The following PINK1 variants were observed in gnomAD, a reference collection of about 807,000 sequenced individuals.
PINK1 encodes the protein PTEN induced kinase 1, also known as serine/threonine-protein kinase PINK1, mitochondrial.
Under a neutral mutation model 56.0 loss-of-function variants are expected in PINK1, and 58 were observed. The ratio of observed to expected loss-of-function variants is 1.04; its 90% CI spans 0.84 to 1.29. The LOEUF is 1.29. Among genes scored for constraint, PINK1 ranks in the 50% most tolerant of loss-of-function variants. The pLI is 0.00. For synonymous variants in PINK1, 354 were observed against 339.3 expected (o/e 1.04, Z -0.48); for missense variants, 745 against 777.9 (o/e 0.96, Z 0.50).
Position 20,648,641 on chromosome 1 carries a change from C to T in PINK1, c.1251+9C>T, listed in dbSNP as rs369834644. On this transcript the variant is annotated intron_variant, in intron 6 of 7. Transcript: ENST00000321556. ...GTCTGATGGCCCCAGAGGTGAGTCC[C>T]GAGTGTGTCATGCGCCATCGGCAGC... 9.7e-5 allele frequency: 157 copies of T among 1,613,464 alleles called. No individual in the cohort carries two copies. The highest frequency in any genetic ancestry group is 6.4e-4 in the African/African-American group (48 of 75,054).
chr1:20,648,660 C>T (rs532703792), intron 6 of PINK1, 28 bp downstream of exon 6: 8 of 1,611,928 alleles, frequency 5.0e-6, no homozygotes, highest in African/African-American at 4.0e-5. Context: ...CATGCGCCAT[C>T]GGCAGCCCTT....
chr1:20,639,595 T>G (rs574311517), intron 2 of PINK1: 8 of 452,928 alleles, frequency 1.8e-5, no homozygotes, highest in Non-Finnish European at 3.3e-5. Flanking sequence ...GAGGCACCGA[T>G]GGCAGGAAGC....
intron 4 of PINK1, among the ~76,000 whole-genome samples, chr1:20,645,071 C>T (rs937665800): frequency 1.3e-5 from 2 of 152,066 alleles, no homozygotes; most frequent in African/African-American, 4.8e-5. Context: ...TATAGGGAGC[C>T]CCAACTCTTA....
rs1163737040 is a variant in PINK1 at position 20,644,558 on chromosome 1, C to T, written c.845C>T (p.Thr282Ile). 2 of 1,614,252 alleles carry T rather than the reference C, an allele frequency of 1.2e-6. No individual in the cohort carries two copies. Among genetic ancestry groups the T allele is most frequent in the East Asian group, 4.5e-5 (2 of 44,888 alleles). ...ATCATCCGGGTTCTCCGCGCCTTCA[C>T]CTCTTCCGTGCCGCTGCTGCCAGGG... ...PNIIRVLRAF[T>I]SSVPLLPGAL... is the part of the protein sequence containing the mutation. The change falls in exon 4 of 8, where the codon ACC (threonine) becomes ATC (isoleucine). Residue 282 changes from threonine to isoleucine, a missense_variant. Transcript: ENST00000321556.
rs771094362 is a variant in PINK1 at position 20,637,912 on chromosome 1, T to C, written c.458T>C (p.Leu153Pro). 14 of 1,614,094 alleles carry C rather than the reference T, an allele frequency of 8.7e-6. No individual in the cohort carries two copies. The highest frequency in any genetic ancestry group is 1.1e-5 in the Non-Finnish European group (13 of 1,180,048). Residue 153 changes from leucine (L) to proline (P), a missense_variant, in exon 2 of 8, where the codon CTG (leucine) becomes CCG (proline). By Grantham distance (98) the Leu-to-Pro change is moderately conservative. Transcript: ENST00000321556. ...ACGAGACGCTTGCAGGGCTTTCGGC[T>C]GGAGGAGTATCTGATAGGGCAGTCC... ...LDTRRLQGFR[L>P]EEYLIGQSIG...
intron 3 of PINK1, chr1:20,642,595 T>C (rs1420143175): frequency 2.6e-5 from 4 of 152,254 alleles, no homozygotes; most frequent in African/African-American, 9.6e-5. Context: ...TTCCAACCAA[T>C]TTCAGCCAGT....
rs765673394 is a variant in PINK1 at position 20,651,209 on chromosome 1, C to T, written c.*518C>T. On this transcript the variant is annotated 3_prime_UTR_variant, in exon 8 of 8. Coordinates refer to ENST00000321556, the MANE Select transcript of PINK1 (RefSeq NM_032409.3). ...TATTAATCTCACTTAGCGAAAGTGA[C>T]GGATGAGCAGTAAGTAAGTAAGTGT... 1.7e-5 allele frequency: 3 copies of T among 178,052 alleles called. No homozygotes were observed. Among genetic ancestry groups the T allele is most frequent in the African/African-American group, 4.7e-5 (2 of 42,332 alleles). 11.0% of individuals were successfully genotyped at this position (178,052 alleles called of 1,614,324 possible).
At chr1:20,639,735 A>T in intron 2 of PINK1, 157 bp from the exon 3 acceptor site, 1 of 704,360 alleles carries the variant, frequency 1.4e-6, no homozygotes, top group Non-Finnish European at 2.6e-6. Context: ...AGGAGTAACT[A>T]GTCTCAGCCT....
chr1:20,645,632 G>A lies in PINK1; in HGVS notation c.1032G>A (p.Leu344=). 6.2e-7 allele frequency: 1 copy of A among 1,614,154 alleles called. No homozygotes were observed. The highest frequency in any genetic ancestry group is 8.5e-7 in the Non-Finnish European group (1 of 1,180,034). Residue 344 remains leucine (L), a synonymous_variant, in exon 5 of 8, where the codon CTG becomes CTA. Transcript: ENST00000321556. ...CCCGCCTCGCCGCCATGATGCTGCT[G>A]CAGCTGCTGGAAGGCGTGGACCATC... ...PSPRLAAMML[L]QLLEGVDHLV...
At chr1:20,638,243 A>C in intron 2 of PINK1, 114 bp downstream of exon 2, 3 of 1,286,180 alleles carry the variant, frequency 2.3e-6, no homozygotes, top group Non-Finnish European at 3.2e-6. Context: ...TATCCACAGG[A>C]AAGGTGCCTG....
At chr1:20,639,015 T>C (rs890186144) in intron 2 of PINK1, 3 of 152,366 alleles carry the variant, frequency 2.0e-5, no homozygotes, top group African/African-American at 7.2e-5. Flanking sequence ...TTCTGTCCAC[T>C]TAATTTATTT....
At position 20,637,845 on chromosome 1, in the gene PINK1, A is replaced by T. The variant is rs780200003; in HGVS notation, c.391A>T (p.Ile131Phe). ...GTGCATTCTTTTCTCATCACAGGCAATTTTTACCCAGAAAAGCAAGCCGGG... is the reference window on the plus strand; with the variant it reads ...GTGCATTCTTTTCTCATCACAGGCATTTTTTACCCAGAAAAGCAAGCCGGG... ...AVSACQEIQA[I>F]FTQKSKPGPD... Residue 131 changes from isoleucine to phenylalanine, a missense_variant, in exon 2 of 8, where the codon ATT becomes TTT. Transcript: ENST00000321556. 1 of 1,613,878 alleles carries T rather than the reference A, an allele frequency of 6.2e-7. No individual in the cohort carries two copies. The highest frequency in any genetic ancestry group is 1.1e-5 in the South Asian group (1 of 91,060).
At chr1:20,634,932 A>G (rs1052184750) in intron 1 of PINK1, among the ~76,000 whole-genome samples, 1 of 152,018 alleles carries the variant, frequency 6.6e-6, no homozygotes, top group Admixed American at 6.6e-5. Flanking sequence ...CCCAGTTCTT[A>G]TTGCTCATCA....
At position 20,644,536 on chromosome 1, in the gene PINK1, A is replaced by G. The variant is rs544457754; in HGVS notation, c.823A>G (p.Ile275Val). ...GCAACTAGCCCCTCACCCCAACATC[A>G]TCCGGGTTCTCCGCGCCTTCACCTC... The part of the protein sequence containing the change: ...PKQLAPHPNI[I>V]RVLRAFTSSV... Residue 275 changes from isoleucine (I) to valine (V), a missense_variant, in exon 4 of 8, where the codon ATC becomes GTC. Transcript: ENST00000321556. 4.3e-6 allele frequency: 7 copies of G among 1,614,176 alleles called. No homozygotes were observed. The East Asian group carries it at 1.6e-4, about 36-fold the overall frequency.
chr1:20,645,858 G>A, intron 5 of PINK1, 135 bp downstream of exon 5: 1 of 1,157,188 alleles, frequency 8.6e-7, no homozygotes, highest in Non-Finnish European at 1.2e-6. Flanking sequence ...CACACAAGAG[G>A]TTAGCAATCT....
intron 7 of PINK1, chr1:20,649,531 G>A (rs1031094140): frequency 1.1e-5 from 4 of 367,770 alleles, no homozygotes; most frequent in Middle Eastern, 8.2e-4. Flanking sequence ...TTGGGAGGCT[G>A]AGGCGGGTGG....
At chr1:20,646,508 G>T (rs1447025601) in intron 5 of PINK1, among the ~76,000 whole-genome samples, 1 of 152,072 alleles carries the variant, frequency 6.6e-6, no homozygotes, top group Non-Finnish European at 1.5e-5. Context: ...GCTGGGCATG[G>T]TGGCGGGCGC....
At chr1:20,636,026 G>A (rs911541485) in intron 1 of PINK1, among the ~76,000 whole-genome samples, 1 of 151,908 alleles carries the variant, frequency 6.6e-6, no homozygotes, top group Non-Finnish European at 1.5e-5. Context: ...AGTTAGCTAG[G>A]CATGGTGGCA....
At chr1:20,634,070 A>T in intron 1 of PINK1, 135 bp downstream of exon 1, 1 of 1,060,498 alleles carries the variant, frequency 9.4e-7, no homozygotes, top group Non-Finnish European at 1.4e-6. Context: ...GGGTCCTTAA[A>T]GCTCATCTAT....
Sources: gnomAD v4.1 joint callset for allele counts (sites outside exome capture counted in the v4.1 genomes callset) on GRCh38, gnomAD v4.1.1 for gene constraint, MANE v1.5 for transcripts, NCBI Gene and HGNC (gene_info 2026-07-23, HGNC 2026-07-21) for gene names.